BCKDHB: variants seen among roughly 807,000 people sequenced by gnomAD.
BCKDHB encodes 2-oxoisovalerate dehydrogenase subunit beta, mitochondrial.
Under a neutral mutation model 48.5 loss-of-function variants are expected in BCKDHB, and 41 were observed. That is an observed-to-expected ratio of 0.85 (90% confidence interval 0.66 to 1.10). The LOEUF (loss-of-function observed/expected upper bound fraction) is 1.10. BCKDHB is among the 50% of genes least tolerant of loss of function. BCKDHB has a pLI of 0.00. For synonymous variants in BCKDHB, 201 were observed against 174.8 expected (o/e 1.15, Z -1.18); for missense variants, 496 against 494.2 (o/e 1.00, Z -0.03).
chr6:80,424,064 A>G, the BCKDHB span, among the ~76,000 whole-genome samples: 1 of 152,328 alleles, frequency 6.6e-6, no homozygotes, highest in East Asian at 1.9e-4. Flanking sequence ...TTTGTTGCAT[A>G]AAGTGAGAGT....
At chr6:80,330,889 T>G (rs1249202781) in intron 9 of BCKDHB, among the ~76,000 whole-genome samples, 1 of 152,222 alleles carries the variant, frequency 6.6e-6, no homozygotes, top group Non-Finnish European at 1.5e-5. Flanking sequence ...ATCCTTAGAT[T>G]ACTATGTCAC....
the BCKDHB span, among the ~76,000 whole-genome samples, chr6:80,433,235 G>T: frequency 6.6e-6 from 1 of 152,100 alleles, no homozygotes; most frequent in African/African-American, 2.4e-5. Flanking sequence ...AGGCGGGGAC[G>T]TATAAGTCTG....
At chr6:80,206,826 C>CTT (rs1392652119) in intron 8 of BCKDHB, among the ~76,000 whole-genome samples, 2 of 151,866 alleles carry the variant, frequency 1.3e-5, no homozygotes, top group East Asian at 3.9e-4. Context: ...GAGAAAATCT[C>CTT]TAACAGTATC....
the BCKDHB span, among the ~76,000 whole-genome samples, chr6:80,401,619 T>G: frequency 6.6e-6 from 1 of 151,796 alleles, no homozygotes; most frequent in Admixed American, 6.6e-5. Flanking sequence ...AATGGACTAA[T>G]GCATTAAGTA....
chr6:80,441,969 G>C, the BCKDHB span, among the ~76,000 whole-genome samples: 1 of 152,044 alleles, frequency 6.6e-6, no homozygotes, highest in Non-Finnish European at 1.5e-5. Context: ...CAAATATAGC[G>C]TGCAATAAGA....
chr6:80,303,231 C>T (rs1291499496), intron 9 of BCKDHB, among the ~76,000 whole-genome samples: 7 of 152,066 alleles, frequency 4.6e-5, no homozygotes, highest in Non-Finnish European at 7.4e-5. Context: ...TTCTAGGAAG[C>T]GGATTTGCAT....
At chr6:80,228,716 CTTG>C (rs904831086) in intron 8 of BCKDHB, among the ~76,000 whole-genome samples, 1 of 152,068 alleles carries the variant, frequency 6.6e-6, no homozygotes, top group African/African-American at 2.4e-5. Context: ...GCCTTTGGTG[CTTG>C]TACTACTCTC....
chr6:80,418,711 G>T, the BCKDHB span, among the ~76,000 whole-genome samples: 3 of 152,168 alleles, frequency 2.0e-5, no homozygotes, highest in East Asian at 5.8e-4. Flanking sequence ...CACTGTGATA[G>T]GTGGTGTTAA....
chr6:80,411,286 C>A, the BCKDHB span, among the ~76,000 whole-genome samples: 1 of 152,268 alleles, frequency 6.6e-6, no homozygotes, highest in East Asian at 1.9e-4. Flanking sequence ...TGCAGAACAG[C>A]AAGTATTGCA....
At position 80,106,808 on chromosome 6, in the gene BCKDHB, G is replaced by C. The variant is rs914935376; in HGVS notation, c.115G>C (p.Ala39Pro). The change falls in exon 1 of 10, where the codon GCC becomes CCC. Residue 39 changes from alanine (A) to proline (P), a missense_variant. Coordinates refer to ENST00000320393, the MANE Select transcript of BCKDHB (RefSeq NM_183050.4). ...GCTGGCGCGGGGCTTTTTGCACCCC[G>C]CCGCGACTGTCGAGGATGCGGCCCA... Reference protein sequence around the residue: ...AGLARGFLHPAATVEDAAQRR... With the variant: ...AGLARGFLHPPATVEDAAQRR... The C allele has an allele frequency of 1.2e-6, 2 of 1,604,008 alleles. No homozygotes were observed. Among genetic ancestry groups the C allele is most frequent in the African/African-American group, 2.7e-5 (2 of 74,796 alleles).
chr6:80,294,098 G>T (rs1293797460), intron 9 of BCKDHB, among the ~76,000 whole-genome samples: 1 of 152,174 alleles, frequency 6.6e-6, no homozygotes, highest in Non-Finnish European at 1.5e-5. Context: ...TCCAAAGTCA[G>T]TTCCACATTT....
intron 8 of BCKDHB, among the ~76,000 whole-genome samples, chr6:80,223,131 G>A (rs1448014928): frequency 1.3e-5 from 2 of 152,130 alleles, no homozygotes; most frequent in Admixed American, 6.5e-5. Flanking sequence ...ATTTAATATA[G>A]AAACAAGGTA....
intron 9 of BCKDHB, among the ~76,000 whole-genome samples, chr6:80,289,668 T>G (rs1645315783): frequency 6.6e-6 from 1 of 152,236 alleles, no homozygotes; most frequent in African/African-American, 2.4e-5. Flanking sequence ...GAAAGCTCAC[T>G]CTCACCGCCA....
intron 9 of BCKDHB, among the ~76,000 whole-genome samples, chr6:80,279,585 C>T (rs1169280645): frequency 2.6e-5 from 4 of 151,806 alleles, no homozygotes; most frequent in Non-Finnish European, 5.9e-5. Flanking sequence ...CTCATTGGGT[C>T]TAGCAAAAAA....
At chr6:80,243,557 G>A (rs1776483545) in intron 8 of BCKDHB, among the ~76,000 whole-genome samples, 1 of 152,246 alleles carries the variant, frequency 6.6e-6, no homozygotes, top group African/African-American at 2.4e-5. Context: ...TTTTGAGTGA[G>A]GGTATCACTC....
chr6:80,228,103 T>C (rs1247559326), intron 8 of BCKDHB, among the ~76,000 whole-genome samples: 2 of 152,186 alleles, frequency 1.3e-5, no homozygotes, highest in Admixed American at 6.5e-5. Flanking sequence ...AGTAGAGGAA[T>C]AAATTTAAAG....
At chr6:80,145,239 G>C (rs1345244332) in intron 3 of BCKDHB, among the ~76,000 whole-genome samples, 1 of 152,162 alleles carries the variant, frequency 6.6e-6, no homozygotes, top group East Asian at 1.9e-4. Context: ...TAGTTGGGCA[G>C]GGTCTTGCCT....
chr6:80,158,500 C>T (rs1306202284), intron 3 of BCKDHB, among the ~76,000 whole-genome samples: 1 of 152,046 alleles, frequency 6.6e-6, no homozygotes, highest in Non-Finnish European at 1.5e-5. Flanking sequence ...ACCTTGGAAC[C>T]TGTCATATTC....
At chr6:80,140,874 G>T (rs569077287) in intron 3 of BCKDHB, among the ~76,000 whole-genome samples, 2 of 152,242 alleles carry the variant, frequency 1.3e-5, no homozygotes, top group African/African-American at 4.8e-5. Context: ...GTTTCAGAAG[G>T]AATGGTACCA....
Sources: gnomAD v4.1 joint callset for allele counts (sites outside exome capture counted in the v4.1 genomes callset) on GRCh38, gnomAD v4.1.1 for gene constraint, MANE v1.5 for transcripts, NCBI Gene and HGNC (gene_info 2026-07-23, HGNC 2026-07-21) for gene names.